C8B: variants seen among roughly 807,000 people sequenced by gnomAD.
The protein encoded by C8B is complement C8 beta chain.
C8B carries 67 observed loss-of-function variants against 64.6 expected under a neutral mutation model. That is an observed-to-expected ratio of 1.04 (90% CI 0.85 to 1.27). The LOEUF (loss-of-function observed/expected upper bound fraction) is 1.27. Among genes scored for constraint, C8B ranks in the 50% most tolerant of loss-of-function variants. C8B has a pLI of 0.00. For synonymous variants in C8B, 284 were observed against 257.7 expected, an observed-to-expected ratio of 1.10 and a Z score of -0.98; for missense variants, 790 against 725.2, an observed-to-expected ratio of 1.09 and a Z score of -1.03.
intron 1 of C8B, 84 bp from the exon 2 acceptor site, chr1:56,960,260 AT>A (rs1159176378): frequency 5.4e-6 from 7 of 1,292,304 alleles, no homozygotes; most frequent in Non-Finnish European, 7.8e-6. Flanking sequence ...CATTCAATAA[AT>A]ATATATTTGC....
intron 9 of C8B, among the ~76,000 whole-genome samples, chr1:56,936,058 G>T (rs538528142): frequency 4.3e-4 from 65 of 152,210 alleles, no homozygotes; most frequent in African/African-American, 1.5e-3. Context: ...TGAGCCTTTA[G>T]GACATTTCCT....
intron 7 of C8B, among the ~76,000 whole-genome samples, 180 bp downstream of exon 7, chr1:56,945,641 G>C (rs1214208246): frequency 6.6e-6 from 1 of 152,198 alleles, no homozygotes; most frequent in Non-Finnish European, 1.5e-5. Context: ...CTGTAGAAAA[G>C]AGAATGGCCT....
At chr1:56,931,152 G>A (rs1481342444) in intron 11 of C8B, among the ~76,000 whole-genome samples, 1 of 152,230 alleles carries the variant, frequency 6.6e-6, no homozygotes, top group African/African-American at 2.4e-5. Context: ...GAATAAAAGT[G>A]AGAGAGGAGT....
At chr1:56,932,346 C>A (rs958815236) in intron 10 of C8B, among the ~76,000 whole-genome samples, 2 of 152,180 alleles carry the variant, frequency 1.3e-5, no homozygotes, top group Non-Finnish European at 2.9e-5. Context: ...ATCTGTCAAG[C>A]AACTTCTCAT....
chr1:56,940,746 C>A, intron 9 of C8B, 103 bp downstream of exon 9: 2 of 1,327,050 alleles, frequency 1.5e-6, no homozygotes, highest in Non-Finnish European at 2.2e-6. Flanking sequence ...AAAATTAGGG[C>A]CTGGGTCTTA....
chr1:56,935,074 C>T (rs926883490), intron 9 of C8B, among the ~76,000 whole-genome samples: 2 of 152,166 alleles, frequency 1.3e-5, no homozygotes, highest in African/African-American at 4.8e-5. Context: ...ATTTTCAGGT[C>T]AGGCTAAGTA....
intron 9 of C8B, among the ~76,000 whole-genome samples, chr1:56,935,896 G>C (rs963540633): frequency 6.6e-6 from 1 of 152,314 alleles, no homozygotes; most frequent in East Asian, 1.9e-4. Context: ...GGTGGCATAA[G>C]TGTAATTTTA....
intron 7 of C8B, among the ~76,000 whole-genome samples, chr1:56,945,036 T>C (rs569294694): frequency 1.3e-5 from 2 of 152,290 alleles, no homozygotes; most frequent in Admixed American, 1.3e-4. Flanking sequence ...GAGACCACAG[T>C]GATAATCTGA....
rs1340516414 is a variant in C8B, at chr1:56,929,518, C to T, written c.1662G>A (p.Trp554Ter). 4 of 1,613,766 alleles carry T rather than the reference C, an allele frequency of 2.5e-6. No homozygotes were observed. Among genetic ancestry groups the T allele is most frequent in the African/African-American group, 1.3e-5 (1 of 74,902 alleles). ...IDGKWNCWSN[W>*]SSCSGRRKTR... ...TCTTACGTCTTCCAGAGCATGAAGA[C>T]CAATTTGACCAGCAATTCCACTTCC... Residue 554 changes from tryptophan (W) to a stop codon, truncating the protein, a stop_gained, in exon 12 of 12, where the codon TGG becomes TGA. Transcript: ENST00000371237. LOFTEE classifies it low-confidence loss of function (END_TRUNC).
intron 9 of C8B, among the ~76,000 whole-genome samples, chr1:56,935,616 T>A (rs752960649): frequency 5.3e-5 from 8 of 152,236 alleles, no homozygotes; most frequent in Non-Finnish European, 2.9e-5. Context: ...TAGCATTTAT[T>A]AGGTGCTGAA....
intron 6 of C8B, 78 bp from the exon 7 acceptor site, chr1:56,946,139 C>T: frequency 6.4e-7 from 1 of 1,550,440 alleles, no homozygotes; most frequent in South Asian, 1.1e-5. Context: ...TTTACAAATA[C>T]CATCCGATGT....
At chr1:56,937,589 C>T (rs879147322) in intron 9 of C8B, among the ~76,000 whole-genome samples, 2 of 152,138 alleles carry the variant, frequency 1.3e-5, no homozygotes, top group African/African-American at 4.8e-5. Context: ...TAGAAATGTA[C>T]ATGGATGACA....
In C8B at chr1:56,929,465, G is replaced by C. The variant is rs759366974; in HGVS notation, c.1715C>G (p.Pro572Arg). The C allele has an allele frequency of 6.2e-7, 1 of 1,613,114 alleles. No homozygotes were observed. Among genetic ancestry groups the C allele is most frequent in the East Asian group, 2.2e-5 (1 of 44,874 alleles). The change falls in exon 12 of 12, where the codon CCT becomes CGT. Residue 572 changes from proline (P) to arginine (R), a missense_variant. Coordinates refer to ENST00000371237, the MANE Select transcript of C8B (RefSeq NM_000066.4). ...KTRQRQCNNP[P>R]PQNGGSPCSG... ...ACAGGGGCTACCCCCATTTTGAGGA[G>C]GTGGATTGTTACACTGCCTTTGTCT... is the stretch of plus-strand genomic sequence containing the variant.
chr1:56,949,637 G>A lies in C8B; in HGVS notation c.782C>T (p.Pro261Leu), dbSNP rs12085435. 83,806 of 1,613,678 alleles carry A rather than the reference G, an allele frequency of 0.052. 2,456 individuals carry two copies. Among genetic ancestry groups the A allele is most frequent in the Middle Eastern group, 0.085 (515 of 6,062 alleles). The change falls in exon 6 of 12, where the codon CCT becomes CTT. Residue 261 changes from proline (P) to leucine (L), a missense_variant. Physicochemically the swap from Pro to Leu is moderately conservative, Grantham distance 98. Transcript: ENST00000371237. ...KSGFSFGFKI[P>L]GIFELGISSQ... Reference sequence around the variant, plus strand: ...ACTGATGCCAAGTTCAAATATTCCAGGTATTTTAAAACCAAAACTGAAACC... The same window carrying A: ...ACTGATGCCAAGTTCAAATATTCCAAGTATTTTAAAACCAAAACTGAAACC...
At chr1:56,959,745 T>A (rs150313161) in intron 2 of C8B, 1 of 846,756 alleles carries the variant, frequency 1.2e-6, no homozygotes, top group Non-Finnish European at 1.8e-6. Context: ...TGTTTCATGA[T>A]GAAAGATTGA....
chr1:56,963,616 A>C (rs1645210846), intron 1 of C8B, among the ~76,000 whole-genome samples: 1 of 152,090 alleles, frequency 6.6e-6, no homozygotes, highest in Non-Finnish European at 1.5e-5. Context: ...ACAACGCATT[A>C]GTGAGAAGCA....
chr1:56,954,941 G>T, intron 3 of C8B, 114 bp from the exon 4 acceptor site: 2 of 1,168,816 alleles, frequency 1.7e-6, no homozygotes, highest in South Asian at 1.2e-5. Context: ...ATGCTGCCCT[G>T]TTTTAATTAG....
chr1:56,959,867 TGG>T (rs1488137666), intron 2 of C8B, among the ~76,000 whole-genome samples, 151 bp downstream of exon 2: 2 of 152,212 alleles, frequency 1.3e-5, no homozygotes, highest in Non-Finnish European at 2.9e-5. Context: ...TATTGCTGCT[TGG>T]AAGCACAGAA....
intron 1 of C8B, among the ~76,000 whole-genome samples, chr1:56,964,566 C>T (rs964188871): frequency 7.2e-5 from 11 of 152,342 alleles, no homozygotes; most frequent in Non-Finnish European, 1.2e-4. Flanking sequence ...CAAACACCCA[C>T]GCACCTGTAG....
Sources: allele counts gnomAD v4.1 joint callset (sites outside exome capture counted in the v4.1 genomes callset), GRCh38; gene constraint gnomAD v4.1.1; transcripts MANE v1.5; gene names NCBI Gene and HGNC (gene_info 2026-07-23, HGNC 2026-07-21).